NEGR1: variants seen among roughly 807,000 people sequenced by gnomAD.
NEGR1 encodes the protein IgLON family member 4.
NEGR1 carries 10 observed loss-of-function variants against 40.9 expected under a neutral mutation model. The observed-to-expected ratio is 0.24, with a 90% confidence interval of 0.15 to 0.42. The LOEUF is 0.42. Among genes scored for constraint, NEGR1 ranks in the 10% least tolerant of loss-of-function variants. NEGR1 has a pLI of 1.00. For missense variants in NEGR1, 352 were observed against 438.9 expected (o/e 0.80, Z 1.77); for synonymous variants, 185 against 166.8 (o/e 1.11, Z -0.84).
intron 2 of NEGR1, among the ~76,000 whole-genome samples, chr1:71,796,856 G>A (rs1269310509): frequency 2.0e-5 from 3 of 152,118 alleles, no homozygotes; most frequent in Non-Finnish European, 4.4e-5. Flanking sequence ...TTGAGAGAAG[G>A]AAGTTGGCCT....
chr1:72,023,650 T>TA (rs937606840), intron 1 of NEGR1, among the ~76,000 whole-genome samples: 26 of 124,316 alleles, frequency 2.1e-4, no homozygotes, highest in South Asian at 7.1e-4. Context: ...AACATTTTAG[T>TA]AAAAAAAAAA....
chr1:71,922,903 T>C (rs919334802), intron 2 of NEGR1, among the ~76,000 whole-genome samples: 4 of 152,156 alleles, frequency 2.6e-5, no homozygotes, highest in Non-Finnish European at 4.4e-5. Flanking sequence ...TTTATAAATA[T>C]TAAAAGTGAA....
Position 71,399,586 on chromosome 1 carries a change from C to T in NEGR1, c.*7860G>A, listed in dbSNP as rs181085227. The stretch of plus-strand genomic sequence containing the variant: ...AAAAATTATTCAGAACACCACATGG[C>T]CAGCTTGCAAGCTTATTTTCCAGAT... On this transcript the variant is annotated 3_prime_UTR_variant, in exon 7 of 7. Coordinates refer to ENST00000357731, the MANE Select transcript of NEGR1 (RefSeq NM_173808.3). 1 of 152,302 alleles carries T rather than the reference C, an allele frequency of 6.6e-6. No homozygotes were observed. The highest frequency in any genetic ancestry group is 2.4e-5 in the African/African-American group (1 of 41,570). The allele number at this position is 152,302 out of a possible 1,614,324, so 9.4% of individuals were successfully genotyped here. A position where few individuals can be genotyped will look rare whatever the true frequency, so the allele number is the denominator to read the frequency against.
chr1:71,554,977 T>C (rs1188172937), intron 6 of NEGR1, among the ~76,000 whole-genome samples: 1 of 151,566 alleles, frequency 6.6e-6, no homozygotes, highest in Non-Finnish European at 1.5e-5. Context: ...GTCTTACTTT[T>C]TTTCCATCCC....
chr1:71,933,709 T>C (rs897567224), intron 2 of NEGR1, among the ~76,000 whole-genome samples: 4 of 152,050 alleles, frequency 2.6e-5, no homozygotes, highest in South Asian at 2.1e-4. Context: ...TATATTCTGA[T>C]ATACCACTTT....
At chr1:72,251,962 T>A (rs1211862142) in intron 1 of NEGR1, among the ~76,000 whole-genome samples, 2 of 152,226 alleles carry the variant, frequency 1.3e-5, no homozygotes, top group Non-Finnish European at 2.9e-5. Context: ...TACTTTTTAA[T>A]GTATGGCTAT....
chr1:71,469,509 T>C (rs1321922002), intron 6 of NEGR1, among the ~76,000 whole-genome samples: 1 of 151,920 alleles, frequency 6.6e-6, no homozygotes, highest in Non-Finnish European at 1.5e-5. Flanking sequence ...TACAGGAAAA[T>C]AGGGGGCTGC....
chr1:71,882,501 A>T (rs1408071831), intron 2 of NEGR1, among the ~76,000 whole-genome samples: 1 of 152,058 alleles, frequency 6.6e-6, no homozygotes, highest in Non-Finnish European at 1.5e-5. Flanking sequence ...TTATTTTTTC[A>T]TTTAAGGAAG....
At chr1:71,480,340 A>G (rs1646846686) in intron 6 of NEGR1, among the ~76,000 whole-genome samples, 1 of 151,872 alleles carries the variant, frequency 6.6e-6, no homozygotes, top group African/African-American at 2.4e-5. Flanking sequence ...TAAGTAACTA[A>G]TAAGGAAAAT....
At chr1:71,988,604 CAT>C (rs1272288954) in intron 1 of NEGR1, among the ~76,000 whole-genome samples, 2 of 94,470 alleles carry the variant, frequency 2.1e-5, no homozygotes, top group African/African-American at 7.8e-5. Context: ...AAAATAGAAA[CAT>C]AAATTTTTCA....
At chr1:71,872,573 G>A (rs1660309684) in intron 2 of NEGR1, among the ~76,000 whole-genome samples, 1 of 152,112 alleles carries the variant, frequency 6.6e-6, no homozygotes, top group East Asian at 1.9e-4. Flanking sequence ...ATCTCTCAGT[G>A]ACCATCATGA....
chr1:71,792,043 A>G (rs999292411), intron 2 of NEGR1, among the ~76,000 whole-genome samples: 4 of 152,172 alleles, frequency 2.6e-5, no homozygotes, highest in Admixed American at 6.5e-5. Context: ...AGAATAAATT[A>G]TAGAGGACTT....
intron 2 of NEGR1, among the ~76,000 whole-genome samples, chr1:71,913,525 C>T (rs1661482741): frequency 6.6e-6 from 1 of 152,106 alleles, no homozygotes; most frequent in South Asian, 2.1e-4. Context: ...TGTGACATTC[C>T]CATGTTCTCG....
chr1:72,249,935 G>T (rs1160612104), intron 1 of NEGR1, among the ~76,000 whole-genome samples: 2 of 152,168 alleles, frequency 1.3e-5, no homozygotes, highest in African/African-American at 4.8e-5. Flanking sequence ...ATTTGTACCA[G>T]TAATGACAAA....
chr1:72,168,193 T>C (rs1557560042), intron 1 of NEGR1, among the ~76,000 whole-genome samples: 1 of 151,942 alleles, frequency 6.6e-6, no homozygotes, highest in Non-Finnish European at 1.5e-5. Context: ...TTTGTATTTT[T>C]AGTGAGATGG....
At chr1:71,613,997 C>A (rs1244838500) in intron 4 of NEGR1, among the ~76,000 whole-genome samples, 1 of 151,730 alleles carries the variant, frequency 6.6e-6, no homozygotes, top group Non-Finnish European at 1.5e-5. Context: ...TGCCTTTCAA[C>A]TAAAAAAATA....
At chr1:71,496,217 A>C (rs767394079) in intron 6 of NEGR1, among the ~76,000 whole-genome samples, 14 of 152,332 alleles carry the variant, frequency 9.2e-5, no homozygotes, top group Non-Finnish European at 1.9e-4. Context: ...GAAAACAGAA[A>C]GAGTAGTCAT....
At chr1:72,275,043 C>T (rs1453801350) in intron 1 of NEGR1, 1 of 1,500,988 alleles carries the variant, frequency 6.7e-7, no homozygotes. Flanking sequence ...CTTTGGAGCT[C>T]TTGGAACCAA....
chr1:71,611,028 C>A lies in NEGR1; in HGVS notation c.786G>T (p.Lys262Asn). Residue 262 changes from lysine (K) to asparagine (N), a missense_variant and splice_region_variant, in exon 5 of 7, where the codon AAG becomes AAT. Lys to Asn is a moderately conservative substitution (Grantham distance 94). Coordinates refer to ENST00000357731, the MANE Select transcript of NEGR1 (RefSeq NM_173808.3). ...AGTAATAATCACAAAGTCCTCACTTCTTCTCTCCTTTGTACCATTCAAAGG... is the reference window on the plus strand; with the variant it reads ...AGTAATAATCACAAAGTCCTCACTTATTCTCTCCTTTGTACCATTCAAAGG... ...PPAFEWYKGE[K>N]KLFNGQQGII... is the part of the protein sequence containing the mutation. The A allele has an allele frequency of 6.2e-7, 1 of 1,613,868 alleles. No individual in the cohort carries two copies. The highest frequency in any genetic ancestry group is 8.5e-7 in the Non-Finnish European group (1 of 1,179,838).
Sources: allele counts gnomAD v4.1 joint callset (sites outside exome capture counted in the v4.1 genomes callset), GRCh38; gene constraint gnomAD v4.1.1; transcripts MANE v1.5; gene names NCBI Gene and HGNC (gene_info 2026-07-23, HGNC 2026-07-21).